The following KLF8 variants were observed in gnomAD, a reference collection of about 807,000 sequenced individuals.
The protein encoded by KLF8 is KLF transcription factor 8.
In KLF8, 10 loss-of-function variants were observed where a neutral mutation model predicts 18.2. The ratio of observed to expected loss-of-function variants is 0.55; its 90% CI spans 0.34 to 0.93. KLF8 has a LOEUF of 0.93. Among genes scored for constraint, KLF8 ranks in the 40% least tolerant of loss-of-function variants. The pLI, the probability that KLF8 is intolerant of heterozygous loss-of-function variation, is 0.02. For missense variants in KLF8, 264 were observed against 277.9 expected (o/e 0.95, Z 0.36); for synonymous variants, 109 against 97.3 (o/e 1.12, Z -0.71).
chrX:56,176,678 G>A, the KLF8 span, among the ~76,000 whole-genome samples: 21 of 111,053 alleles, frequency 1.9e-4, no homozygotes, highest in African/African-American at 6.5e-4. Flanking sequence ...AGTTCTCCTG[G>A]ATAATATCCT....
the KLF8 span, among the ~76,000 whole-genome samples, chrX:56,077,148 A>C: frequency 8.9e-6 from 1 of 112,099 alleles, no homozygotes; most frequent in African/African-American, 3.2e-5. Context: ...TAATTTAATT[A>C]GATCCCATTT....
At chrX:56,134,895 G>A in the KLF8 span, among the ~76,000 whole-genome samples, 2 of 111,176 alleles carry the variant, frequency 1.8e-5, no homozygotes, top group African/African-American at 6.5e-5. Context: ...ACAAATAGCC[G>A]GCAAACATAT....
the KLF8 span, among the ~76,000 whole-genome samples, chrX:56,178,571 T>C: frequency 8.9e-6 from 1 of 112,529 alleles, no homozygotes; most frequent in African/African-American, 3.2e-5. Context: ...GCCTATGCCC[T>C]GAATGGAATT....
At position 56,265,337 on chromosome X, in the gene KLF8, G is replaced by A; in HGVS notation, c.239G>A (p.Ser80Asn). The part of the protein sequence containing the change: ...PPEELLASDF[S>N]LPQVEPVDLS... Reference sequence around the variant, plus strand: ...GAAGAACTTTTGGCTAGTGATTTCAGCCTGCCCCAAGTGGAACCAGTTGAC... The same window carrying A: ...GAAGAACTTTTGGCTAGTGATTTCAACCTGCCCCAAGTGGAACCAGTTGAC... The change falls in exon 3 of 6, where the codon AGC becomes AAC. Residue 80 changes from serine to asparagine, a missense_variant. Coordinates refer to ENST00000468660, the MANE Select transcript of KLF8 (RefSeq NM_007250.5). The A allele has an allele frequency of 8.3e-7, 1 of 1,208,671 alleles. No individual in the cohort carries two copies. The highest frequency in any genetic ancestry group is 1.1e-6 in the Non-Finnish European group (1 of 894,009).
the KLF8 span, among the ~76,000 whole-genome samples, chrX:56,212,967 A>G: frequency 4.5e-5 from 5 of 112,097 alleles, no homozygotes; most frequent in South Asian, 1.8e-3. Flanking sequence ...TTAGATTGGT[A>G]AAGGATATAT....
the KLF8 span, among the ~76,000 whole-genome samples, chrX:56,050,374 A>G: frequency 5.4e-5 from 6 of 111,292 alleles, no homozygotes; most frequent in African/African-American, 1.6e-4. Flanking sequence ...TGTCAATTTT[A>G]GATCTTTCCT....
the KLF8 span, among the ~76,000 whole-genome samples, chrX:56,170,452 C>T: frequency 7.3e-5 from 8 of 109,991 alleles, no homozygotes; most frequent in East Asian, 2.0e-3. Context: ...CACAAAGAAA[C>T]AATTCAGAAT....
chrX:56,173,187 G>A, the KLF8 span, among the ~76,000 whole-genome samples: 4 of 111,412 alleles, frequency 3.6e-5, no homozygotes, highest in Admixed American at 9.6e-5. Flanking sequence ...GCCTACATCC[G>A]GAATGATATG....
rs2067297551 is a variant in KLF8 at position 56,289,101 on chromosome X, C to G, written c.*4607C>G. 8.9e-6 allele frequency among the ~76,000 whole-genome samples: 1 copy of G among 112,191 alleles called. No individual in the cohort carries two copies. Among genetic ancestry groups the G allele is most frequent in the Non-Finnish European group, 1.9e-5 (1 of 53,297 alleles). On this transcript the variant is annotated 3_prime_UTR_variant, in exon 6 of 6. Transcript: ENST00000468660. ...CTTCTCCCCCATTTATTTATTTATA[C>G]AATACTTTATTTATATCAGCATGGA...
chrX:56,240,584 T>C (rs1362880461), intron 1 of KLF8, among the ~76,000 whole-genome samples: 1 of 111,911 alleles, frequency 8.9e-6, no homozygotes, highest in Non-Finnish European at 1.9e-5. Context: ...TGTTTTATAA[T>C]TAACATAATA....
At chrX:55,967,845 GAAAC>G in the KLF8 span, among the ~76,000 whole-genome samples, 8 of 111,521 alleles carry the variant, frequency 7.2e-5, no homozygotes, top group African/African-American at 2.6e-4. Flanking sequence ...GATATAAATG[GAAAC>G]AAACCCACAA....
At chrX:55,968,238 A>T in the KLF8 span, among the ~76,000 whole-genome samples, 1 of 110,961 alleles carries the variant, frequency 9.0e-6, no homozygotes, top group Non-Finnish European at 1.9e-5. Context: ...GGCAGGAGGA[A>T]GGACTTACTT....
rs1004966488 is a variant in KLF8, at chrX:56,268,696, C to A, written c.647-682C>A. 4 of 779,610 alleles carry A rather than the reference C, an allele frequency of 5.1e-6. No homozygotes were observed. In the South Asian group the frequency reaches 2.3e-4, roughly 45 times the overall value. 64.2% of individuals were successfully genotyped at this position (779,610 alleles called of 1,213,427 possible). On this transcript the variant is annotated intron_variant, in intron 3 of 5. Transcript: ENST00000468660. ...CAAATACTTGTTCCCCACCTTATCA[C>A]CACCCCCAAGTTTCTTCTCTATAGA...
chrX:56,134,297 T>C, the KLF8 span, among the ~76,000 whole-genome samples: 1 of 111,846 alleles, frequency 8.9e-6, no homozygotes, highest in African/African-American at 3.2e-5. Context: ...CAAAACAGAA[T>C]GGTACTGGTA....
At chrX:56,160,151 G>A in the KLF8 span, among the ~76,000 whole-genome samples, 1 of 112,038 alleles carries the variant, frequency 8.9e-6, no homozygotes, top group Non-Finnish European at 1.9e-5. Flanking sequence ...TATGAACCCT[G>A]TAGTCATTCA....
the KLF8 span, among the ~76,000 whole-genome samples, chrX:56,008,752 G>T: frequency 4.5e-5 from 5 of 112,195 alleles, no homozygotes; most frequent in Non-Finnish European, 9.4e-5. Context: ...TTTTCCTGCT[G>T]GTGCCAGGGA....
the KLF8 span, among the ~76,000 whole-genome samples, chrX:55,975,854 A>G: frequency 8.9e-6 from 1 of 112,072 alleles, no homozygotes; most frequent in Non-Finnish European, 1.9e-5. Flanking sequence ...TTACGCCTGT[A>G]ATCCCGGCAC....
At chrX:56,202,559 T>TTTCC in the KLF8 span, among the ~76,000 whole-genome samples, 1 of 75,806 alleles carries the variant, frequency 1.3e-5, no homozygotes, top group Non-Finnish European at 2.6e-5. Context: ...CCATTAACCT[T>TTTCC]CCCCCCCCCT....
chrX:55,962,999 C>G, the KLF8 span, among the ~76,000 whole-genome samples: 2 of 112,229 alleles, frequency 1.8e-5, no homozygotes, highest in East Asian at 5.6e-4. Flanking sequence ...AATCAGTATG[C>G]TGACATTACA....
Sources: allele counts gnomAD v4.1 joint callset (sites outside exome capture counted in the v4.1 genomes callset), GRCh38; gene constraint gnomAD v4.1.1; transcripts MANE v1.5; gene names NCBI Gene and HGNC (gene_info 2026-07-23, HGNC 2026-07-21).